Variants in UNC5D observed in about 807,000 individuals in gnomAD.
UNC5D encodes netrin receptor UNC5D.
Under a neutral mutation model 105.4 loss-of-function variants are expected in UNC5D, and 39 were observed. The observed-to-expected ratio is 0.37, with a 90% confidence interval of 0.29 to 0.48. The LOEUF is 0.48. UNC5D is among the 20% of genes least tolerant of loss of function. The probability of loss-of-function intolerance (pLI) is 0.98; values close to 1 mark genes in which losing one functional copy is unlikely to be tolerated. For synonymous variants in UNC5D, 452 were observed against 450.4 expected (o/e 1.00, Z -0.04); for missense variants, 991 against 1,202.4 (o/e 0.82, Z 2.60).
chr8:35,543,396 T>G (rs1815409327), intron 1 of UNC5D, among the ~76,000 whole-genome samples: 1 of 152,206 alleles, frequency 6.6e-6, no homozygotes. Context: ...TGAATCCCAA[T>G]TTTGGATGAC....
chr8:35,606,174 G>T (rs1424533910), intron 4 of UNC5D, among the ~76,000 whole-genome samples: 1 of 151,848 alleles, frequency 6.6e-6, no homozygotes, highest in Non-Finnish European at 1.5e-5. Context: ...TTTTAGTAGA[G>T]ATGGGGTTTC....
chr8:35,385,286 G>T (rs552396443), intron 1 of UNC5D, among the ~76,000 whole-genome samples: 6 of 151,964 alleles, frequency 3.9e-5, no homozygotes, highest in Admixed American at 3.3e-4. Flanking sequence ...TCTTCCCTAG[G>T]GCTGAATTTC....
chr8:35,401,504 A>G (rs1804462945), intron 1 of UNC5D, among the ~76,000 whole-genome samples: 1 of 152,170 alleles, frequency 6.6e-6, no homozygotes, highest in Admixed American at 6.5e-5. Flanking sequence ...GGAAGCTGGG[A>G]GAGAAATACT....
At chr8:35,732,146 A>G (rs1444368639) in intron 11 of UNC5D, among the ~76,000 whole-genome samples, 1 of 152,234 alleles carries the variant, frequency 6.6e-6, no homozygotes, top group Non-Finnish European at 1.5e-5. Flanking sequence ...TTAGCAAAGA[A>G]CACATGAAAG....
intron 2 of UNC5D, among the ~76,000 whole-genome samples, chr8:35,559,610 T>C (rs1341358759): frequency 6.6e-6 from 1 of 152,244 alleles, no homozygotes; most frequent in Admixed American, 6.5e-5. Flanking sequence ...GGCATGGTAC[T>C]GAATGTTAAC....
chr8:35,525,749 C>T lies in UNC5D; in HGVS notation c.104-23543C>T, dbSNP rs910573628. ...GGCTCCCAACGCTGAAGTACTCGCC[C>T]GGAGGAGCCGCCATCTTGGGAGTGC... On this transcript the variant is annotated intron_variant, in intron 1 of 16. Transcript: ENST00000404895. 60 of 1,560,996 alleles carry T rather than the reference C, an allele frequency of 3.8e-5. 1 individual carries two copies. The highest frequency in any genetic ancestry group is 4.6e-4 in the Middle Eastern group (2 of 4,384).
intron 1 of UNC5D, among the ~76,000 whole-genome samples, chr8:35,476,489 A>G (rs1810108538): frequency 6.6e-6 from 1 of 152,214 alleles, no homozygotes; most frequent in Non-Finnish European, 1.5e-5. Context: ...TGATACGCCA[A>G]TAAGGACAAA....
intron 1 of UNC5D, among the ~76,000 whole-genome samples, chr8:35,311,729 G>C (rs1476353037): frequency 6.6e-6 from 1 of 152,152 alleles, no homozygotes; most frequent in Non-Finnish European, 1.5e-5. Flanking sequence ...ACTTGCAAGG[G>C]AAGTAGTTTG....
At chr8:35,541,317 TATGTC>T (rs1815257789) in intron 1 of UNC5D, among the ~76,000 whole-genome samples, 1 of 152,176 alleles carries the variant, frequency 6.6e-6, no homozygotes, top group Non-Finnish European at 1.5e-5. Flanking sequence ...CAATTTAAAA[TATGTC>T]AGGAGGCAGC....
chr8:35,705,113 T>C (rs953118849), intron 7 of UNC5D, among the ~76,000 whole-genome samples: 3 of 152,054 alleles, frequency 2.0e-5, no homozygotes, highest in East Asian at 1.9e-4. Context: ...TACAGGCGCC[T>C]GCCACCTCGC....
intron 1 of UNC5D, among the ~76,000 whole-genome samples, chr8:35,518,047 G>T (rs755917770): frequency 3.2e-4 from 49 of 151,942 alleles, no homozygotes; most frequent in Admixed American, 3.2e-3. Flanking sequence ...TTTGGGGGGG[G>T]CATAAACATT....
At chr8:35,759,513 C>T (rs963917620) in intron 14 of UNC5D, 44 bp downstream of exon 14, 3 of 1,587,738 alleles carry the variant, frequency 1.9e-6, no homozygotes, top group Non-Finnish European at 2.6e-6. Flanking sequence ...TTTGCTTTAA[C>T]CGGCAAGCAT....
intron 14 of UNC5D, among the ~76,000 whole-genome samples, chr8:35,764,667 T>G (rs1801686682): frequency 6.6e-6 from 1 of 152,122 alleles, no homozygotes; most frequent in Non-Finnish European, 1.5e-5. Context: ...AGTAAAATAT[T>G]TTTGTATTAG....
chr8:35,541,341 A>G (rs1167626754), intron 1 of UNC5D, among the ~76,000 whole-genome samples: 1 of 152,220 alleles, frequency 6.6e-6, no homozygotes, highest in Non-Finnish European at 1.5e-5. Context: ...GCTTTAGTCT[A>G]AACTTAATTT....
intron 2 of UNC5D, among the ~76,000 whole-genome samples, chr8:35,558,749 G>A (rs1163565861): frequency 2.6e-5 from 4 of 152,120 alleles, no homozygotes; most frequent in African/African-American, 9.7e-5. Flanking sequence ...TTGGGAGGCC[G>A]AGGTGGGCGG....
At chr8:35,588,572 T>A (rs2130872383) in intron 3 of UNC5D, among the ~76,000 whole-genome samples, 1 of 152,286 alleles carries the variant, frequency 6.6e-6, no homozygotes, top group Middle Eastern at 3.4e-3. Context: ...ACCTCTTAAT[T>A]GTTTGTTTAA....
chr8:35,263,327 G>A (rs1203103322), intron 1 of UNC5D, among the ~76,000 whole-genome samples: 17 of 152,104 alleles, frequency 1.1e-4, no homozygotes, highest in South Asian at 2.1e-4. Flanking sequence ...GTCCATTTGC[G>A]CTAAATTTTG....
chr8:35,502,899 G>A (rs530705978), intron 1 of UNC5D, among the ~76,000 whole-genome samples: 142 of 152,188 alleles, frequency 9.3e-4, no homozygotes, highest in South Asian at 2.5e-3. Flanking sequence ...TCACAGAAAG[G>A]ATGATCCTGT....
At chr8:35,565,369 G>A (rs1258759080) in intron 2 of UNC5D, among the ~76,000 whole-genome samples, 1 of 151,890 alleles carries the variant, frequency 6.6e-6, no homozygotes, top group Non-Finnish European at 1.5e-5. Flanking sequence ...TATCTTTGTT[G>A]GATACTTACA....
Sources: allele counts gnomAD v4.1 joint callset (sites outside exome capture counted in the v4.1 genomes callset), GRCh38; gene constraint gnomAD v4.1.1; transcripts MANE v1.5; gene names NCBI Gene and HGNC (gene_info 2026-07-23, HGNC 2026-07-21).